The following LDB2 variants were observed in gnomAD, a reference collection of about 807,000 sequenced individuals.
LDB2 encodes the protein LIM domain-binding protein 2.
Under a neutral mutation model 44.3 loss-of-function variants are expected in LDB2, and 12 were observed. The ratio of observed to expected loss-of-function variants is 0.27; its 90% CI spans 0.17 to 0.44. The LOEUF (loss-of-function observed/expected upper bound fraction) is 0.44, where lower values mean the gene tolerates loss of function less well. Among genes scored for constraint, LDB2 ranks in the 20% least tolerant of loss-of-function variants. The probability of loss-of-function intolerance (pLI) is 1.00; values close to 1 mark genes in which losing one functional copy is unlikely to be tolerated. For synonymous variants in LDB2, 164 were observed against 174.8 expected, an observed-to-expected ratio of 0.94 and a Z score of 0.49; for missense variants, 344 against 473.5, an observed-to-expected ratio of 0.73 and a Z score of 2.54.
intron 1 of LDB2, among the ~76,000 whole-genome samples, chr4:16,864,855 G>A (rs973673704): frequency 7.2e-5 from 11 of 152,102 alleles, no homozygotes; most frequent in African/African-American, 2.7e-4. Context: ...AACCCAGGGG[G>A]CAGAGGTTGC....
intron 1 of LDB2, among the ~76,000 whole-genome samples, chr4:16,847,818 A>G (rs1787383939): frequency 1.3e-5 from 2 of 152,294 alleles, no homozygotes; most frequent in South Asian, 2.1e-4. Flanking sequence ...GGGTTTTACC[A>G]TGTTAACCAG....
chr4:16,828,645 T>C (rs1783499374), intron 1 of LDB2, among the ~76,000 whole-genome samples: 1 of 152,090 alleles, frequency 6.6e-6, no homozygotes. Flanking sequence ...TGGGAGATAG[T>C]ATAGTGATAA....
At chr4:16,871,166 C>G (rs1462771941) in intron 1 of LDB2, among the ~76,000 whole-genome samples, 1 of 152,148 alleles carries the variant, frequency 6.6e-6, no homozygotes, top group Non-Finnish European at 1.5e-5. Flanking sequence ...CTACATGTTA[C>G]TATTATTGGT....
intron 2 of LDB2, among the ~76,000 whole-genome samples, chr4:16,744,307 C>A (rs781443884): frequency 6.6e-6 from 1 of 151,674 alleles, no homozygotes; most frequent in African/African-American, 2.4e-5. Flanking sequence ...CAGGCACCCG[C>A]CATCATGCCC....
At chr4:16,725,449 A>G (rs1187438786) in intron 2 of LDB2, among the ~76,000 whole-genome samples, 2 of 152,138 alleles carry the variant, frequency 1.3e-5, no homozygotes, top group Non-Finnish European at 2.9e-5. Flanking sequence ...CCTGCCATAA[A>G]TCAGACTTGC....
chr4:16,542,951 T>A (rs1734382946), intron 5 of LDB2, among the ~76,000 whole-genome samples: 1 of 108,692 alleles, frequency 9.2e-6, no homozygotes, highest in Non-Finnish European at 1.7e-5. Context: ...TAGGCCCCAG[T>A]ATGTGATGTT....
chr4:16,680,522 A>G (rs941316986), intron 2 of LDB2, among the ~76,000 whole-genome samples: 1 of 152,202 alleles, frequency 6.6e-6, no homozygotes, highest in Non-Finnish European at 1.5e-5. Context: ...CTGAGGACTT[A>G]CTTATCTCAT....
At chr4:16,883,162 AG>A (rs539625172) in intron 1 of LDB2, among the ~76,000 whole-genome samples, 41 of 152,336 alleles carry the variant, frequency 2.7e-4, no homozygotes, top group Admixed American at 4.6e-4. Flanking sequence ...CCCTCACCAA[AG>A]AAGGTGGGAG....
chr4:16,874,349 T>C (rs1717713179), intron 1 of LDB2, among the ~76,000 whole-genome samples: 1 of 152,190 alleles, frequency 6.6e-6, no homozygotes, highest in Non-Finnish European at 1.5e-5. Context: ...ATAAGTTCAT[T>C]AATTCTAAGA....
intron 1 of LDB2, among the ~76,000 whole-genome samples, chr4:16,882,791 A>T (rs1295222224): frequency 6.6e-6 from 1 of 152,204 alleles, no homozygotes; most frequent in East Asian, 1.9e-4. Context: ...CCCAGCAAGC[A>T]GTTTTTAAAA....
chr4:16,756,857 G>A (rs886576203), intron 2 of LDB2, among the ~76,000 whole-genome samples: 9 of 151,484 alleles, frequency 5.9e-5, no homozygotes, highest in Non-Finnish European at 1.2e-4. Flanking sequence ...CTAGACACCA[G>A]CGATGGGGAG....
intron 2 of LDB2, among the ~76,000 whole-genome samples, chr4:16,684,974 G>A (rs1214085877): frequency 2.0e-5 from 3 of 152,270 alleles, no homozygotes; most frequent in South Asian, 2.1e-4. Context: ...AAAAACAGGC[G>A]ATGAGCTGCA....
At chr4:16,529,777 C>T (rs1258108585) in intron 5 of LDB2, among the ~76,000 whole-genome samples, 6 of 152,054 alleles carry the variant, frequency 3.9e-5, no homozygotes, top group Admixed American at 6.6e-5. Context: ...TGTTCTAGCC[C>T]GTAAATTGAT....
chr4:16,872,848 T>C (rs1182523186), intron 1 of LDB2, among the ~76,000 whole-genome samples: 2 of 152,190 alleles, frequency 1.3e-5, no homozygotes, highest in Non-Finnish European at 2.9e-5. Flanking sequence ...TCAGAAAATA[T>C]GTTTCCTTGA....
intron 2 of LDB2, among the ~76,000 whole-genome samples, chr4:16,732,368 A>T (rs1390509147): frequency 6.6e-6 from 1 of 152,176 alleles, no homozygotes; most frequent in Non-Finnish European, 1.5e-5. Flanking sequence ...TCCAAATGTT[A>T]CTTCATTAGT....
At position 16,572,923 on chromosome 4, in the gene LDB2, A is replaced by C. The variant is rs375057959; in HGVS notation, c.615+12999T>G. ...AAAGAAGGAGGAGGAGGAGAAGGTG[A>C]AGGAGGAGGAAGGGAAAAGTAAGAC... On this transcript the variant is annotated intron_variant, in intron 5 of 7. Transcript: ENST00000304523. 1.4e-4 allele frequency among the ~76,000 whole-genome samples: 22 copies of C among 152,238 alleles called. No homozygotes were observed. In the East Asian group the frequency reaches 1.5e-3, roughly 11 times the overall value.
intron 7 of LDB2, chr4:16,506,145 G>A (rs953111259): frequency 1.1e-5 from 7 of 624,064 alleles, no homozygotes; most frequent in Middle Eastern, 8.6e-4. Context: ...TAGTTAACCA[G>A]TAGAATAGTG....
intron 2 of LDB2, among the ~76,000 whole-genome samples, chr4:16,749,289 T>C (rs541915391): frequency 6.6e-6 from 1 of 151,860 alleles, no homozygotes; most frequent in East Asian, 1.9e-4. Context: ...AAAATATGAG[T>C]CTCGGCGGGG....
At chr4:16,553,917 T>C (rs1232097562) in intron 5 of LDB2, among the ~76,000 whole-genome samples, 1 of 152,174 alleles carries the variant, frequency 6.6e-6, no homozygotes, top group African/African-American at 2.4e-5. Flanking sequence ...TAGGAATTCA[T>C]GCCCACACCC....
Sources: allele counts gnomAD v4.1 joint callset (sites outside exome capture counted in the v4.1 genomes callset), GRCh38; gene constraint gnomAD v4.1.1; transcripts MANE v1.5; gene names NCBI Gene and HGNC (gene_info 2026-07-23, HGNC 2026-07-21).